The following HTR7 variants were observed in gnomAD, a reference collection of about 807,000 sequenced individuals.
HTR7 encodes the protein 5-hydroxytryptamine receptor 7, also known as 5-HT-7.
HTR7 carries 16 observed loss-of-function variants against 34.0 expected under a neutral mutation model. That is an observed-to-expected ratio of 0.47 (90% CI 0.32 to 0.71). The LOEUF (loss-of-function observed/expected upper bound fraction) is 0.71, where lower values mean the gene tolerates loss of function less well. Among genes scored for constraint, HTR7 ranks in the 30% least tolerant of loss-of-function variants. The probability of loss-of-function intolerance (pLI) is 0.04; values close to 1 mark genes in which losing one functional copy is unlikely to be tolerated. For synonymous variants in HTR7, 265 were observed against 260.2 expected (o/e 1.02, Z -0.18); for missense variants, 504 against 625.5 (o/e 0.81, Z 2.07).
At chr10:90,777,915 C>T (rs184217346) in intron 1 of HTR7, among the ~76,000 whole-genome samples, 6 of 152,292 alleles carry the variant, frequency 3.9e-5, no homozygotes, top group Non-Finnish European at 1.5e-5. Context: ...TTATCCACCA[C>T]CCCCAAATCC....
intron 1 of HTR7, among the ~76,000 whole-genome samples, chr10:90,846,788 T>C (rs901249509): frequency 6.6e-6 from 1 of 152,216 alleles, no homozygotes; most frequent in African/African-American, 2.4e-5. Flanking sequence ...GCCTTTATTC[T>C]GGGCAGCCAT....
At chr10:90,841,663 T>C (rs1426458018) in intron 1 of HTR7, among the ~76,000 whole-genome samples, 1 of 152,128 alleles carries the variant, frequency 6.6e-6, no homozygotes, top group Non-Finnish European at 1.5e-5. Flanking sequence ...GTCGACATGG[T>C]TCATAAATCA....
chr10:90,747,381 T>C (rs1844657082), intron 2 of HTR7, among the ~76,000 whole-genome samples: 1 of 152,200 alleles, frequency 6.6e-6, no homozygotes, highest in Non-Finnish European at 1.5e-5. Context: ...CTGGGTTTGC[T>C]TACAGTACAT....
At position 90,760,621 on chromosome 10, in the gene HTR7, T is replaced by C. The variant is rs145366654; in HGVS notation, c.540-11027A>G. ...TGGGCTGGACGCACTGGCTCACACC[T>C]GTAATCCCCGCAATTTGGGAGGCCA... On this transcript the variant is annotated intron_variant, in intron 1 of 3. Coordinates refer to ENST00000336152, the MANE Select transcript of HTR7 (RefSeq NM_019859.4). 4.6e-5 allele frequency among the ~76,000 whole-genome samples: 7 copies of C among 152,314 alleles called. No homozygotes were observed. The East Asian group carries it at 1.4e-3, about 29-fold the overall frequency.
intron 1 of HTR7, among the ~76,000 whole-genome samples, chr10:90,829,572 A>T (rs1274440906): frequency 1.3e-5 from 2 of 151,874 alleles, no homozygotes; most frequent in East Asian, 3.9e-4. Context: ...CCTGTGAAGG[A>T]TCCCCACTTT....
In HTR7 at chr10:90,771,340, C is replaced by T. The variant is rs1845106723; in HGVS notation, c.540-21746G>A. Among the ~76,000 whole-genome samples the T allele has an allele frequency of 2.0e-5, 3 of 152,322 alleles. No homozygotes were observed. In the South Asian group the frequency reaches 6.2e-4, roughly 32 times the overall value. On this transcript the variant is annotated intron_variant, in intron 1 of 3. Coordinates refer to ENST00000336152, the MANE Select transcript of HTR7 (RefSeq NM_019859.4). Reference sequence around the variant, plus strand: ...CTGTTTGCAGAACAATAACTCAGGACCCACCAAATGGCGAGGCTAAAAGAG... The same window carrying T: ...CTGTTTGCAGAACAATAACTCAGGATCCACCAAATGGCGAGGCTAAAAGAG...
intron 1 of HTR7, among the ~76,000 whole-genome samples, chr10:90,811,689 C>T (rs559657611): frequency 1.3e-5 from 2 of 152,224 alleles, no homozygotes; most frequent in East Asian, 3.9e-4. Flanking sequence ...CTCTTCCCTA[C>T]ACATCAAGTT....
intron 1 of HTR7, among the ~76,000 whole-genome samples, chr10:90,798,092 G>A (rs1488834969): frequency 6.6e-6 from 1 of 152,104 alleles, no homozygotes; most frequent in Admixed American, 6.6e-5. Flanking sequence ...CCATCAAAAT[G>A]GCAAATAAAT....
At chr10:90,822,840 G>A (rs1276972762) in intron 1 of HTR7, among the ~76,000 whole-genome samples, 1 of 152,186 alleles carries the variant, frequency 6.6e-6, no homozygotes, top group Non-Finnish European at 1.5e-5. Context: ...TCCAGCCATG[G>A]AGCCACATCT....
At chr10:90,819,827 G>C (rs953698926) in intron 1 of HTR7, among the ~76,000 whole-genome samples, 3 of 151,006 alleles carry the variant, frequency 2.0e-5, no homozygotes, top group African/African-American at 7.3e-5. Flanking sequence ...AAACTAAAAG[G>C]CTTATCCCAG....
chr10:90,780,310 C>T (rs1461941095), intron 1 of HTR7, among the ~76,000 whole-genome samples: 6 of 151,978 alleles, frequency 3.9e-5, no homozygotes, highest in African/African-American at 9.7e-5. Context: ...CCAAGGCAGG[C>T]GGATCACCTG....
chr10:90,769,207 T>A lies in HTR7; in HGVS notation c.540-19613A>T, dbSNP rs188233546. Among the ~76,000 whole-genome samples, 3 of 152,362 alleles carry A rather than the reference T, an allele frequency of 2.0e-5. No homozygotes were observed. In the East Asian group the frequency reaches 5.8e-4, roughly 29 times the overall value. On this transcript the variant is annotated intron_variant, in intron 1 of 3. Coordinates refer to ENST00000336152, the MANE Select transcript of HTR7 (RefSeq NM_019859.4). ...TAATCTAAATCCATCCATATTCAAG[T>A]TTTTAAAAGCATATAAAACTGTGGC...
rs1845305890 is a variant in HTR7, at chr10:90,781,568, T to A, written c.540-31974A>T. Among the ~76,000 whole-genome samples the A allele has an allele frequency of 2.0e-5, 3 of 152,304 alleles. No individual in the cohort carries two copies. In the South Asian group the frequency reaches 6.2e-4, roughly 32 times the overall value. On this transcript the variant is annotated intron_variant, in intron 1 of 3. Transcript: ENST00000336152. ...TAATTGAAGATAAGAACTGATTTTT[T>A]AAAAAATCCTTTTCCTAGAAAATAC...
In HTR7 at chr10:90,790,537, G is replaced by C. The variant is rs943363705; in HGVS notation, c.540-40943C>G. Among the ~76,000 whole-genome samples, 10 of 152,170 alleles carry C rather than the reference G, an allele frequency of 6.6e-5. No homozygotes were observed. The East Asian group carries it at 1.9e-3, about 29-fold the overall frequency. On this transcript the variant is annotated intron_variant, in intron 1 of 3. Transcript: ENST00000336152. ...ATTCATATGGTATTTTCTGCCAAAC[G>C]GTGACAAATTAAACTAGCTGATGAA...
chr10:90,814,837 G>A (rs1845873754), intron 1 of HTR7, among the ~76,000 whole-genome samples: 1 of 152,170 alleles, frequency 6.6e-6, no homozygotes, highest in African/African-American at 2.4e-5. Context: ...CTTTACCCTA[G>A]ATTGGAGAAA....
intron 1 of HTR7, among the ~76,000 whole-genome samples, chr10:90,777,378 T>G (rs113321606): frequency 0.025 from 3,735 of 150,258 alleles, 154 homozygotes; most frequent in African/African-American, 0.083. Flanking sequence ...CTACTAAGGA[T>G]GCTGAGGCAG....
Position 90,749,230 on chromosome 10 carries a change from A to C in HTR7, c.904T>G (p.Cys302Gly). ...TTGAGGAGTCTCGAAAGGTTTGCAC[A>C]CTCTTCCACCTCCTTCTGGAGCTTC... is the stretch of plus-strand genomic sequence containing the variant. ...IVKLQKEVEE[C>G]ANLSRLLKHE... The change falls in exon 2 of 4, where the codon TGT (cysteine) becomes GGT (glycine). Residue 302 changes from cysteine to glycine, a missense_variant. By Grantham distance (159) the Cys-to-Gly change is radical. Coordinates refer to ENST00000336152, the MANE Select transcript of HTR7 (RefSeq NM_019859.4). The surrounding 1 kb of genome is among the most constrained non-coding windows in gnomAD (Gnocchi z 4.2). 6.2e-7 allele frequency: 1 copy of C among 1,613,674 alleles called. No homozygotes were observed. The highest frequency in any genetic ancestry group is 1.1e-5 in the South Asian group (1 of 91,050).
intron 1 of HTR7, among the ~76,000 whole-genome samples, chr10:90,787,722 C>T (rs1046239616): frequency 5.9e-5 from 9 of 151,972 alleles, no homozygotes; most frequent in African/African-American, 9.7e-5. Context: ...GTGAATATTA[C>T]TATTCACATT....
intron 1 of HTR7, among the ~76,000 whole-genome samples, chr10:90,817,320 G>A (rs1021985542): frequency 5.9e-5 from 9 of 152,120 alleles, no homozygotes; most frequent in Non-Finnish European, 1.2e-4. Context: ...TCCTCCCTAA[G>A]AGCTAAAAAG....
Sources: allele counts gnomAD v4.1 joint callset (sites outside exome capture counted in the v4.1 genomes callset), GRCh38; gene constraint gnomAD v4.1.1; non-coding constraint Gnocchi (gnomAD v3.1); transcripts MANE v1.5; gene names NCBI Gene and HGNC (gene_info 2026-07-23, HGNC 2026-07-21).